PDGFC: variants seen among roughly 807,000 people sequenced by gnomAD.
PDGFC encodes the protein platelet derived growth factor C, also known as platelet-derived growth factor C.
PDGFC carries 12 observed loss-of-function variants against 35.5 expected under a neutral mutation model. That is an observed-to-expected ratio of 0.34 (90% CI 0.22 to 0.55). The LOEUF is 0.55. Ranked by LOEUF, PDGFC falls within the 20% of genes least tolerant of loss-of-function variation. The probability of loss-of-function intolerance (pLI) is 0.91; values close to 1 mark genes in which losing one functional copy is unlikely to be tolerated. For missense variants in PDGFC, 322 were observed against 412.4 expected, an observed-to-expected ratio of 0.78 and a Z score of 1.90; for synonymous variants, 159 against 148.8, an observed-to-expected ratio of 1.07 and a Z score of -0.50.
chr4:156,834,490 A>G (rs1369610715), intron 2 of PDGFC, among the ~76,000 whole-genome samples: 1 of 152,188 alleles, frequency 6.6e-6, no homozygotes, highest in African/African-American at 2.4e-5. Context: ...TTTTGATATC[A>G]TGAACTAGCT....
intron 2 of PDGFC, among the ~76,000 whole-genome samples, chr4:156,828,729 T>C (rs1228651637): frequency 6.6e-6 from 1 of 152,138 alleles, no homozygotes; most frequent in Non-Finnish European, 1.5e-5. Flanking sequence ...ACAGGTAAAA[T>C]TCTACTTACA....
chr4:156,883,214 A>G (rs1730289588), intron 1 of PDGFC, among the ~76,000 whole-genome samples: 2 of 151,978 alleles, frequency 1.3e-5, no homozygotes, highest in African/African-American at 2.4e-5. Flanking sequence ...GTGCTTTTCT[A>G]TAGTGTTATA....
chr4:156,877,662 A>C (rs1270407314), intron 1 of PDGFC, among the ~76,000 whole-genome samples: 2 of 129,934 alleles, frequency 1.5e-5, no homozygotes, highest in African/African-American at 9.7e-5. Context: ...GAAGTGAAGC[A>C]AAATATACTA....
chr4:156,912,050 G>A (rs1021374021), intron 1 of PDGFC, among the ~76,000 whole-genome samples: 4 of 152,062 alleles, frequency 2.6e-5, no homozygotes, highest in African/African-American at 7.2e-5. Context: ...AGTTTTCTTA[G>A]GACTTAGACA....
chr4:156,869,649 A>G (rs1729932504), intron 1 of PDGFC, among the ~76,000 whole-genome samples: 1 of 152,172 alleles, frequency 6.6e-6, no homozygotes, highest in Non-Finnish European at 1.5e-5. Flanking sequence ...ACCACTGGAT[A>G]TTGAACTAAA....
chr4:156,873,217 C>T (rs1164846801), intron 1 of PDGFC, among the ~76,000 whole-genome samples: 1 of 152,146 alleles, frequency 6.6e-6, no homozygotes, highest in Non-Finnish European at 1.5e-5. Flanking sequence ...TTATTACAAA[C>T]CCCACTTGCA....
intron 4 of PDGFC, among the ~76,000 whole-genome samples, chr4:156,768,265 A>G (rs1346401006): frequency 1.3e-5 from 2 of 151,856 alleles, no homozygotes; most frequent in Non-Finnish European, 2.9e-5. Context: ...GTTGAAAGCT[A>G]TAAATAGGAA....
intron 3 of PDGFC, among the ~76,000 whole-genome samples, chr4:156,797,424 G>A (rs1731475768): frequency 6.6e-6 from 1 of 152,002 alleles, no homozygotes; most frequent in Non-Finnish European, 1.5e-5. Flanking sequence ...GACAGAAAAA[G>A]GAAAGTGATA....
In PDGFC at chr4:156,968,489, T is replaced by C. The variant is rs111518473; in HGVS notation, c.118+2297A>G. Reference sequence around the variant, plus strand: ...TGTGGGCAAAAGATTACCCACATAATGGAAAATTTGAAAGACAAAAAGAAG... The same window carrying C: ...TGTGGGCAAAAGATTACCCACATAACGGAAAATTTGAAAGACAAAAAGAAG... On this transcript the variant is annotated intron_variant, in intron 1 of 5. Transcript: ENST00000502773. 2.1e-4 allele frequency among the ~76,000 whole-genome samples: 32 copies of C among 152,196 alleles called. No homozygotes were observed. In the South Asian group the frequency reaches 6.6e-3, roughly 32 times the overall value.
At chr4:156,826,279 G>T in intron 2 of PDGFC, among the ~76,000 whole-genome samples, 1 of 121,582 alleles carries the variant, frequency 8.2e-6, no homozygotes, top group African/African-American at 3.1e-5. Flanking sequence ...TGCAACCTCT[G>T]CCTCCCGGGT....
chr4:156,948,664 A>G (rs1295703128), intron 1 of PDGFC, among the ~76,000 whole-genome samples: 1 of 152,012 alleles, frequency 6.6e-6, no homozygotes. Context: ...AATACTATGT[A>G]TTTTAGAAAG....
At chr4:156,847,137 G>A (rs1729346055) in intron 2 of PDGFC, among the ~76,000 whole-genome samples, 1 of 151,736 alleles carries the variant, frequency 6.6e-6, no homozygotes, top group South Asian at 2.1e-4. Context: ...TTAGGAGGTG[G>A]AGTGTAATCA....
intron 3 of PDGFC, among the ~76,000 whole-genome samples, chr4:156,795,983 CTATT>C (rs1376006800): frequency 6.6e-6 from 1 of 152,108 alleles, no homozygotes; most frequent in African/African-American, 2.4e-5. Context: ...TTTATAGTGA[CTATT>C]TATGTTTCAC....
At chr4:156,937,922 A>C (rs544408221) in intron 1 of PDGFC, among the ~76,000 whole-genome samples, 36 of 152,252 alleles carry the variant, frequency 2.4e-4, no homozygotes, top group Non-Finnish European at 1.0e-4. Context: ...ATTACAGAGA[A>C]ACAAAACCAG....
intron 1 of PDGFC, among the ~76,000 whole-genome samples, chr4:156,915,966 A>G (rs1174232311): frequency 2.0e-5 from 3 of 152,080 alleles, no homozygotes; most frequent in Admixed American, 2.0e-4. Flanking sequence ...ATGAATTCCA[A>G]GTTTCTCTGT....
At chr4:156,940,532 T>C (rs149521205) in intron 1 of PDGFC, among the ~76,000 whole-genome samples, 100 of 152,194 alleles carry the variant, frequency 6.6e-4, no homozygotes, top group African/African-American at 2.3e-3. Context: ...GGAAATTGCC[T>C]GGTACTCTTA....
chr4:156,808,521 G>A (rs182423537), intron 3 of PDGFC, among the ~76,000 whole-genome samples: 2 of 152,012 alleles, frequency 1.3e-5, no homozygotes, highest in Admixed American at 1.3e-4. Flanking sequence ...AGGGACCCTT[G>A]CCCCTGAGCA....
In PDGFC at chr4:156,971,498, C is replaced by G. The variant is rs1271174380; in HGVS notation, c.-595G>C. Reference sequence around the variant, plus strand: ...ACGGGCCGGGGCGCCGGAGCGGGGCCGGGGGGCTCCGGGCCGACGGCGGCC... The same window carrying G: ...ACGGGCCGGGGCGCCGGAGCGGGGCGGGGGGGCTCCGGGCCGACGGCGGCC... On this transcript the variant is annotated 5_prime_UTR_variant, in exon 1 of 6. Coordinates refer to ENST00000502773, the MANE Select transcript of PDGFC (RefSeq NM_016205.3). The G allele has an allele frequency of 9.7e-6, 2 of 206,762 alleles. No homozygotes were observed. The highest frequency in any genetic ancestry group is 2.2e-4 in the East Asian group (2 of 8,944). 12.8% of individuals were successfully genotyped at this position (206,762 alleles called of 1,614,324 possible).
At chr4:156,902,251 T>C (rs547425383) in intron 1 of PDGFC, among the ~76,000 whole-genome samples, 1 of 152,276 alleles carries the variant, frequency 6.6e-6, no homozygotes, top group South Asian at 2.1e-4. Context: ...TTCAAACAAA[T>C]AGAAAAGTTC....
Sources: gnomAD v4.1 joint callset for allele counts (sites outside exome capture counted in the v4.1 genomes callset) on GRCh38, gnomAD v4.1.1 for gene constraint, MANE v1.5 for transcripts, NCBI Gene and HGNC (gene_info 2026-07-23, HGNC 2026-07-21) for gene names.